RBFOX1: variants seen among roughly 807,000 people sequenced by gnomAD.
RBFOX1 encodes RNA binding protein fox-1 homolog 1.
RBFOX1 carries 8 observed loss-of-function variants against 57.7 expected under a neutral mutation model. The observed-to-expected ratio is 0.14, with a 90% confidence interval of 0.08 to 0.25. RBFOX1 has a LOEUF of 0.25. Ranked by LOEUF, RBFOX1 falls within the 10% of genes least tolerant of loss-of-function variation. The pLI is 1.00. For synonymous variants in RBFOX1, 326 were observed against 222.4 expected (o/e 1.47, Z -4.15); for missense variants, 611 against 548.5 (o/e 1.11, Z -1.14).
rs1205484852 is a variant in RBFOX1 at position 7,518,286 on chromosome 16, C to A, written c.167C>A (p.Thr56Asn). ...CCCGCGCCAGAGTACACAGGCCAGA[C>A]CACGGTTCCCGAGCACACATTAAAC... Reference protein sequence around the residue: ...PHPAPEYTGQTTVPEHTLNLY... With the variant: ...PHPAPEYTGQNTVPEHTLNLY... The change falls in exon 5 of 16, where the codon ACC becomes AAC. Residue 56 changes from threonine to asparagine, a missense_variant. Thr to Asn is a moderately conservative substitution (Grantham distance 65, BLOSUM62 0). Around this residue, in one of 3 missense-constraint regions of RBFOX1, gnomAD observed 245 missense variants for 159.1 expected, o/e 1.54. Coordinates refer to ENST00000550418, the MANE Select transcript of RBFOX1 (RefSeq NM_018723.4). 6.2e-7 allele frequency: 1 copy of A among 1,614,074 alleles called. No individual in the cohort carries two copies. The highest frequency in any genetic ancestry group is 1.3e-5 in the African/African-American group (1 of 74,936).
chr16:7,307,830 A>G (rs1289008074), intron 4 of RBFOX1, among the ~76,000 whole-genome samples: 1 of 152,198 alleles, frequency 6.6e-6, no homozygotes, highest in Non-Finnish European at 1.5e-5. Context: ...TAGTCCTTGG[A>G]GCAACTGGCT....
chr16:6,369,156 G>A (rs1026648389), intron 2 of RBFOX1, among the ~76,000 whole-genome samples: 2 of 152,170 alleles, frequency 1.3e-5, no homozygotes, highest in African/African-American at 4.8e-5. Flanking sequence ...TCTATTGGTA[G>A]TATTTACTAA....
chr16:6,084,170 C>T (rs548893918), intron 1 of RBFOX1, among the ~76,000 whole-genome samples: 6 of 152,236 alleles, frequency 3.9e-5, no homozygotes, highest in East Asian at 1.9e-4. Flanking sequence ...TGAGAGAGCA[C>T]GTGTAAAGTG....
chr16:7,402,985 G>C lies in RBFOX1; in HGVS notation c.28-115162G>C, dbSNP rs551697251. ...GCAGTTTCTCCTCCAATCTGATCTTGAAGGAGGAGGTGAACCTGGAACTCC... is the reference window on the plus strand; with the variant it reads ...GCAGTTTCTCCTCCAATCTGATCTTCAAGGAGGAGGTGAACCTGGAACTCC... On this transcript the variant is annotated intron_variant, in intron 4 of 15. Coordinates refer to ENST00000550418, the MANE Select transcript of RBFOX1 (RefSeq NM_018723.4). Among the ~76,000 whole-genome samples, 9 of 152,286 alleles carry C rather than the reference G, an allele frequency of 5.9e-5. No homozygotes were observed. The South Asian group carries it at 1.9e-3, about 32-fold the overall frequency.
intron 4 of RBFOX1, among the ~76,000 whole-genome samples, chr16:7,504,988 G>C (rs1171909605): frequency 1.3e-5 from 2 of 149,938 alleles, no homozygotes; most frequent in Non-Finnish European, 2.9e-5. Context: ...TCAGTGCAAT[G>C]TTAGGATATT....
intron 3 of RBFOX1, chr16:6,723,642 G>A (rs1395811455): frequency 2.6e-5 from 4 of 152,080 alleles, no homozygotes; most frequent in African/African-American, 4.8e-5. Context: ...TTAATTTTAC[G>A]ATTTGCATAT....
intron 1 of RBFOX1, among the ~76,000 whole-genome samples, chr16:6,197,351 G>A (rs2097186461): frequency 6.6e-6 from 1 of 151,758 alleles, no homozygotes; most frequent in African/African-American, 2.4e-5. Flanking sequence ...CATTCGTTGT[G>A]TCTCAAACTG....
In RBFOX1 at chr16:5,416,851, G is replaced by A. The variant is rs1038864309; in HGVS notation, c.220-50365G>A. On this transcript the variant is annotated intron_variant, in intron 1 of 2. Coordinates refer to the RBFOX1 transcript ENST00000585867. ...CTACATTCAGTAAGAGGAGGGAAGT[G>A]TAGCGTTTGTTACTGCGGCATAACC... 5.9e-5 allele frequency among the ~76,000 whole-genome samples: 9 copies of A among 152,178 alleles called. No individual in the cohort carries two copies. The East Asian group carries it at 1.7e-3, about 29-fold the overall frequency.
At chr16:5,293,946 C>G (rs955815230) in intron 1 of RBFOX1, among the ~76,000 whole-genome samples, 1 of 152,128 alleles carries the variant, frequency 6.6e-6, no homozygotes. Flanking sequence ...GTAAAAAGTA[C>G]TGCCAGGAGC....
chr16:7,409,171 C>A (rs1460106722), intron 4 of RBFOX1, among the ~76,000 whole-genome samples: 2 of 152,222 alleles, frequency 1.3e-5, no homozygotes, highest in Non-Finnish European at 2.9e-5. Context: ...GAGGACCTCT[C>A]CGTCTCAGGC....
intron 4 of RBFOX1, among the ~76,000 whole-genome samples, chr16:7,394,328 T>G (rs1052223374): frequency 6.6e-6 from 1 of 151,168 alleles, no homozygotes; most frequent in South Asian, 2.1e-4. Context: ...GGGATTGCTG[T>G]ATAAATAATG....
chr16:7,427,615 T>G (rs1568845156), intron 4 of RBFOX1, among the ~76,000 whole-genome samples: 3 of 151,884 alleles, frequency 2.0e-5, no homozygotes, highest in Admixed American at 6.6e-5. Flanking sequence ...TTCTTTTCTT[T>G]TTCTTCTTCT....
intron 3 of RBFOX1, among the ~76,000 whole-genome samples, chr16:6,924,110 A>C (rs1245050565): frequency 6.6e-6 from 1 of 152,044 alleles, no homozygotes; most frequent in Non-Finnish European, 1.5e-5. Flanking sequence ...TGGAGGTTGC[A>C]GTGAGCTGAG....
intron 4 of RBFOX1, among the ~76,000 whole-genome samples, chr16:5,881,429 C>G (rs1448649600): frequency 6.6e-6 from 1 of 152,170 alleles, no homozygotes; most frequent in Non-Finnish European, 1.5e-5. Context: ...CCTGTAATCC[C>G]AGCACTTTGG....
chr16:7,430,390 A>T (rs1000097072), intron 4 of RBFOX1, among the ~76,000 whole-genome samples: 110 of 152,312 alleles, frequency 7.2e-4, no homozygotes, highest in African/African-American at 2.5e-3. Flanking sequence ...GGCTGGGCGC[A>T]GTGGCTCATG....
Position 7,034,044 on chromosome 16 carries a change from A to G in RBFOX1, c.-15-18013A>G, listed in dbSNP as rs531817053. ...ACTTGGATTTCTCTCCATTGCGGAG[A>G]TGAGGTAGGTATGGCAGGGGATGGG... On this transcript the variant is annotated intron_variant, in intron 3 of 15. Coordinates refer to ENST00000550418, the MANE Select transcript of RBFOX1 (RefSeq NM_018723.4). Among the ~76,000 whole-genome samples, 91 of 152,222 alleles carry G rather than the reference A, an allele frequency of 6.0e-4. 1 individual carries two copies. The Middle Eastern group carries it at 0.014, about 23-fold the overall frequency.
chr16:7,013,587 C>G (rs1326785979), intron 3 of RBFOX1, among the ~76,000 whole-genome samples: 1 of 152,200 alleles, frequency 6.6e-6, no homozygotes, highest in East Asian at 1.9e-4. Context: ...TATAACCTAT[C>G]ATTGCAACAC....
chr16:7,466,034 G>C (rs959775328), intron 4 of RBFOX1, among the ~76,000 whole-genome samples: 1 of 152,146 alleles, frequency 6.6e-6, no homozygotes, highest in Non-Finnish European at 1.5e-5. Context: ...TGTGTTTTCT[G>C]ATCCTGAGCT....
intron 1 of RBFOX1, among the ~76,000 whole-genome samples, chr16:6,218,508 C>T (rs984316368): frequency 3.3e-5 from 5 of 152,034 alleles, no homozygotes; most frequent in African/African-American, 4.8e-5. Flanking sequence ...TGGGATTCTA[C>T]CCTGTTTGCC....
Sources: gnomAD v4.1 joint callset for allele counts (sites outside exome capture counted in the v4.1 genomes callset) on GRCh38, gnomAD v4.1.1 for gene constraint, gnomAD v4.1.1 regional missense constraint, MANE v1.5 for transcripts, NCBI Gene and HGNC (gene_info 2026-07-23, HGNC 2026-07-21) for gene names.